Variants in LRRN1 observed in about 807,000 individuals in gnomAD.
The protein encoded by LRRN1 is leucine-rich repeat neuronal protein 1.
LRRN1 carries 14 observed loss-of-function variants against 45.8 expected under a neutral mutation model. The ratio of observed to expected loss-of-function variants is 0.31; its 90% CI spans 0.20 to 0.48. The LOEUF is 0.48. Among genes scored for constraint, LRRN1 ranks in the 20% least tolerant of loss-of-function variants. The pLI, the probability that LRRN1 is intolerant of heterozygous loss-of-function variation, is 0.99. For missense variants in LRRN1, 789 were observed against 874.2 expected (o/e 0.90, Z 1.23); for synonymous variants, 359 against 330.1 (o/e 1.09, Z -0.95).
chr3:3,822,491 C>G (rs1452196136), intron 1 of LRRN1, among the ~76,000 whole-genome samples: 1 of 152,102 alleles, frequency 6.6e-6, no homozygotes, highest in East Asian at 1.9e-4. Context: ...AGATGCCTAT[C>G]TCTTGTTTTA....
chr3:3,834,759 A>G (rs759896238), intron 1 of LRRN1, among the ~76,000 whole-genome samples: 1 of 151,386 alleles, frequency 6.6e-6, no homozygotes, highest in Non-Finnish European at 1.5e-5. Context: ...GGAAGCATCC[A>G]GCACAGGAGA....
At chr3:3,822,013 G>T (rs781660402) in intron 1 of LRRN1, among the ~76,000 whole-genome samples, 3 of 152,136 alleles carry the variant, frequency 2.0e-5, no homozygotes, top group African/African-American at 4.8e-5. Context: ...CTGCCCAGAC[G>T]GATTGGGATA....
At position 3,848,436 on chromosome 3, in the gene LRRN1, C is replaced by T. The variant is rs912649589; in HGVS notation, c.*1644C>T. ...GGTTGTTTCAAAAGGCAGCTGCCGC[C>T]AGGCACACAGCATTCCATCAGACAG... On this transcript the variant is annotated 3_prime_UTR_variant, in exon 2 of 2. Transcript: ENST00000319331. Among the ~76,000 whole-genome samples the T allele has an allele frequency of 2.6e-5, 4 of 152,240 alleles. No homozygotes were observed. Among genetic ancestry groups the T allele is most frequent in the African/African-American group, 9.6e-5 (4 of 41,532 alleles).
At chr3:3,813,728 A>G (rs1057275963) in intron 1 of LRRN1, among the ~76,000 whole-genome samples, 1 of 152,138 alleles carries the variant, frequency 6.6e-6, no homozygotes, top group African/African-American at 2.4e-5. Context: ...AGCAAGAGGA[A>G]GAGGTGGTTT....
chr3:3,821,823 A>G (rs1198769702), intron 1 of LRRN1, among the ~76,000 whole-genome samples: 1 of 152,192 alleles, frequency 6.6e-6, no homozygotes, highest in African/African-American at 2.4e-5. Flanking sequence ...GGTACCTAGA[A>G]AGCACATTTG....
At chr3:3,832,959 C>G (rs1025076314) in intron 1 of LRRN1, among the ~76,000 whole-genome samples, 1 of 152,218 alleles carries the variant, frequency 6.6e-6, no homozygotes, top group Non-Finnish European at 1.5e-5. Flanking sequence ...ATTACAGTAG[C>G]TATGCCCACT....
In LRRN1 at chr3:3,816,844, T is replaced by C. The variant is rs1692996228; in HGVS notation, c.-279+16925T>C. ...GGCAGGTGGTATCACAGAAAGGCCC[T>C]GTGCAACGAACTTGACTTTAACTTC... On this transcript the variant is annotated intron_variant, in intron 1 of 1. Transcript: ENST00000319331. The surrounding 1 kb of genome is among the most constrained non-coding windows in gnomAD (Gnocchi z 4.0). 6.6e-6 allele frequency among the ~76,000 whole-genome samples: 1 copy of C among 152,202 alleles called. No individual in the cohort carries two copies. Among genetic ancestry groups the C allele is most frequent in the African/African-American group, 2.4e-5 (1 of 41,452 alleles).
intron 1 of LRRN1, among the ~76,000 whole-genome samples, chr3:3,826,982 A>G (rs1693230114): frequency 6.6e-6 from 1 of 152,118 alleles, no homozygotes; most frequent in Non-Finnish European, 1.5e-5. Flanking sequence ...CACAAAAGGC[A>G]TTCTCTACTG....
At chr3:3,822,394 T>G (rs1252124577) in intron 1 of LRRN1, among the ~76,000 whole-genome samples, 1 of 152,202 alleles carries the variant, frequency 6.6e-6, no homozygotes, top group Non-Finnish European at 1.5e-5. Context: ...TTTTCTGTCT[T>G]TCTTGAGCTA....
At chr3:3,812,747 G>A (rs1412339144) in intron 1 of LRRN1, among the ~76,000 whole-genome samples, 2 of 144,406 alleles carry the variant, frequency 1.4e-5, no homozygotes, top group African/African-American at 5.2e-5. Context: ...ACACCAGGAA[G>A]AAAGTTTCTC....
intron 1 of LRRN1, among the ~76,000 whole-genome samples, chr3:3,834,609 A>C (rs6794536): frequency 0.13 from 16,899 of 129,340 alleles, 1,299 homozygotes; most frequent in East Asian, 0.28. Flanking sequence ...TTATATATAT[A>C]ATATATGTAA....
intron 1 of LRRN1, among the ~76,000 whole-genome samples, chr3:3,837,669 G>C (rs1255104773): frequency 6.6e-6 from 1 of 152,046 alleles, no homozygotes; most frequent in East Asian, 1.9e-4. Flanking sequence ...GGTGGGATCA[G>C]AGCAGTCTAG....
chr3:3,837,985 GTTTGGTT>G (rs1386044512), intron 1 of LRRN1, among the ~76,000 whole-genome samples: 1 of 152,092 alleles, frequency 6.6e-6, no homozygotes, highest in Non-Finnish European at 1.5e-5. Context: ...AACATGTGGT[GTTTGGTT>G]TTCTGTTCCT....
At position 3,816,067 on chromosome 3, in the gene LRRN1, C is replaced by A. The variant is rs535624492; in HGVS notation, c.-279+16148C>A. On this transcript the variant is annotated intron_variant, in intron 1 of 1. Coordinates refer to ENST00000319331, the MANE Select transcript of LRRN1 (RefSeq NM_020873.7). The surrounding 1 kb of genome is among the most constrained non-coding windows in gnomAD (Gnocchi z 4.0). ...TTTGTATTTTAATGGTTATGAAGGA[C>A]AATATGGATATTCAACTAAAATTAT... 5.9e-4 allele frequency among the ~76,000 whole-genome samples: 89 copies of A among 151,372 alleles called. No individual in the cohort carries two copies. The highest frequency in any genetic ancestry group is 3.4e-3 in the Middle Eastern group (1 of 294).
intron 1 of LRRN1, among the ~76,000 whole-genome samples, chr3:3,828,946 T>C (rs1029430321): frequency 1.3e-5 from 2 of 152,066 alleles, no homozygotes; most frequent in African/African-American, 4.8e-5. Context: ...CTATATTCCC[T>C]TTGCCTTCAG....
At chr3:3,839,303 G>T (rs931023858) in intron 1 of LRRN1, among the ~76,000 whole-genome samples, 2 of 152,076 alleles carry the variant, frequency 1.3e-5, no homozygotes, top group Non-Finnish European at 2.9e-5. Flanking sequence ...AGATCATAAA[G>T]AGCATGTATA....
intron 1 of LRRN1, among the ~76,000 whole-genome samples, chr3:3,804,801 T>TGACAA (rs10684826): frequency 1.3e-5 from 2 of 151,666 alleles, no homozygotes; most frequent in Non-Finnish European, 2.9e-5. Flanking sequence ...ACATGTGACA[T>TGACAA]CCTTCTATGT....
Position 3,846,544 on chromosome 3 carries a change from G to A in LRRN1, c.1903G>A (p.Val635Ile). Residue 635 changes from valine to isoleucine, a missense_variant, in exon 2 of 2, where the codon GTA becomes ATA. Coordinates refer to ENST00000319331, the MANE Select transcript of LRRN1 (RefSeq NM_020873.7). This position sits in a 1 kb window ranked among gnomAD's most constrained non-coding sequence, Gnocchi z 5.7. ...DQETSTALAA[V>I]MGSMFAVISL... ...AGAAACCAGTACAGCCCTTGCTGCAGTAATGGGGTCTATGTTTGCCGTCAT... is the reference window on the plus strand; with the variant it reads ...AGAAACCAGTACAGCCCTTGCTGCAATAATGGGGTCTATGTTTGCCGTCAT... The A allele has an allele frequency of 6.2e-7, 1 of 1,614,184 alleles. No individual in the cohort carries two copies. The highest frequency in any genetic ancestry group is 1.7e-5 in the Admixed American group (1 of 60,020).
chr3:3,819,189 T>G (rs1156266343), intron 1 of LRRN1, among the ~76,000 whole-genome samples: 1 of 152,092 alleles, frequency 6.6e-6, no homozygotes, highest in Admixed American at 6.6e-5. Context: ...GATCTCGCTA[T>G]GTTAGCAGGC....
Sources: gnomAD v4.1 joint callset for allele counts (sites outside exome capture counted in the v4.1 genomes callset) on GRCh38, gnomAD v4.1.1 for gene constraint, Gnocchi (gnomAD v3.1) non-coding constraint, MANE v1.5 for transcripts, NCBI Gene and HGNC (gene_info 2026-07-23, HGNC 2026-07-21) for gene names.